The following MROH9 variants were observed in gnomAD, a reference collection of about 807,000 sequenced individuals.
MROH9 encodes the protein maestro heat-like repeat-containing protein family member 9.
Under a neutral mutation model 98.2 loss-of-function variants are expected in MROH9, and 92 were observed. That is an observed-to-expected ratio of 0.94 (90% CI 0.79 to 1.11). MROH9 has a LOEUF of 1.11. Ranked by LOEUF, MROH9 falls within the 50% of genes most tolerant of loss-of-function variation. The pLI is 0.00. For synonymous variants in MROH9, 397 were observed against 368.9 expected (o/e 1.08, Z -0.87); for missense variants, 1,057 against 1,014.8 (o/e 1.04, Z -0.57).
At chr1:171,052,971 C>A (rs920107812) in intron 20 of MROH9, among the ~76,000 whole-genome samples, 1 of 152,128 alleles carries the variant, frequency 6.6e-6, no homozygotes, top group East Asian at 1.9e-4. Context: ...CTCCTTGGAA[C>A]TAGTGGGGCT....
rs1654108318 is a variant in MROH9, at chr1:171,064,446, T to G, written c.*106T>G. On this transcript the variant is annotated 3_prime_UTR_variant, in exon 22 of 22. Transcript: ENST00000367759. ...GATTTTTCTTTCCCTCCTGACAACT[T>G]GAGTCTGTTTGTAGATGCTTTTCTG... 8.5e-7 allele frequency: 1 copy of G among 1,178,236 alleles called. No homozygotes were observed. Among genetic ancestry groups the G allele is most frequent in the Non-Finnish European group, 1.1e-6 (1 of 869,662 alleles). The allele number at this position is 1,178,236 out of a possible 1,614,324, so 73.0% of individuals were successfully genotyped here.
rs1651650789 is a variant in MROH9, at chr1:170,998,166, A to G, written c.1488A>G (p.Glu496=). The G allele has an allele frequency of 6.2e-7, 1 of 1,606,136 alleles. No individual in the cohort carries two copies. The highest frequency in any genetic ancestry group is 1.3e-5 in the African/African-American group (1 of 74,360). Residue 496 remains glutamate, a synonymous_variant, in exon 15 of 22, where the codon GAA becomes GAG. Transcript: ENST00000367759. ...GVCFIAKTLS[E]YNFPQFPETL... is the part of the protein sequence containing the mutation. ...TTCTCTTTTACAGAACTCTCAGTGA[A>G]TATAACTTTCCACAGTTTCCGGAGA...
At chr1:170,935,982 C>CAAAAAAAAAAAA (rs59883013) in intron 1 of MROH9, among the ~76,000 whole-genome samples, 116 of 62,244 alleles carry the variant, frequency 1.9e-3, no homozygotes, top group East Asian at 2.7e-3. Context: ...CAGAGTGAGA[C>CAAAAAAAAAAAA]AAAAAAAAAA....
At chr1:170,961,018 C>T (rs928606769) in intron 5 of MROH9, among the ~76,000 whole-genome samples, 2 of 152,030 alleles carry the variant, frequency 1.3e-5, no homozygotes, top group Non-Finnish European at 2.9e-5. Flanking sequence ...CTTCTCCAAC[C>T]TATTTCAAAT....
chr1:171,010,765 C>T (rs1414845009), intron 15 of MROH9, among the ~76,000 whole-genome samples: 1 of 152,100 alleles, frequency 6.6e-6, no homozygotes, highest in Non-Finnish European at 1.5e-5. Flanking sequence ...ATTCTTTGCC[C>T]ACTTTTTCAT....
intron 16 of MROH9, among the ~76,000 whole-genome samples, chr1:171,015,632 G>A (rs1652300686): frequency 1.3e-5 from 2 of 151,916 alleles, no homozygotes; most frequent in Admixed American, 6.5e-5. Context: ...CTGCCTGAGT[G>A]TCTCAGTAGC....
intron 7 of MROH9, among the ~76,000 whole-genome samples, chr1:170,966,645 T>C (rs978609750): frequency 3.3e-5 from 5 of 152,124 alleles, no homozygotes. Flanking sequence ...ATAATACAAT[T>C]TACTTAGATG....
chr1:171,032,145 TC>T lies in MROH9; in HGVS notation c.2281+6726del, dbSNP rs897104415. 1.9e-4 allele frequency among the ~76,000 whole-genome samples: 29 copies of T among 152,328 alleles called. No homozygotes were observed. The Middle Eastern group carries it at 0.01, about 54-fold the overall frequency. Reference sequence around the variant, plus strand: ...AGCTCCATCAGATCATTTATGTTTCTCTCTAAACTGGTTATTCAGTTAGCAG... The same window carrying T: ...AGCTCCATCAGATCATTTATGTTTCTTCTAAACTGGTTATTCAGTTAGCAG... On this transcript the variant is annotated intron_variant, in intron 20 of 21. Transcript: ENST00000367759.
In MROH9 at chr1:171,062,206, G is replaced by T; in HGVS notation, c.2344+12G>T. The T allele has an allele frequency of 6.5e-7, 1 of 1,528,008 alleles. No homozygotes were observed. The highest frequency in any genetic ancestry group is 1.2e-5 in the South Asian group (1 of 82,322). 94.7% of individuals were successfully genotyped at this position (1,528,008 alleles called of 1,614,324 possible). On this transcript the variant is annotated intron_variant, in intron 21 of 21. Coordinates refer to ENST00000367759, the MANE Select transcript of MROH9 (RefSeq NM_001163629.2). Reference sequence around the variant, plus strand: ...AGTCATGCTTGATGGTGAGTATTGAGGTTATAACAAAATCTTTATGCATAA... The same window carrying T: ...AGTCATGCTTGATGGTGAGTATTGATGTTATAACAAAATCTTTATGCATAA...
In MROH9 at chr1:170,947,519, C is replaced by T. The variant is rs1649378892; in HGVS notation, c.26-8C>T. On this transcript the variant is annotated splice_polypyrimidine_tract_variant and splice_region_variant and intron_variant, in intron 2 of 21. Transcript: ENST00000367759. Reference sequence around the variant, plus strand: ...TCCTTTTTAACGAATCTCCTTCTTTCTGGCTAGAGAGTAGTCTCCAGATTC... The same window carrying T: ...TCCTTTTTAACGAATCTCCTTCTTTTTGGCTAGAGAGTAGTCTCCAGATTC... The T allele has an allele frequency of 6.2e-7, 1 of 1,609,434 alleles. No homozygotes were observed. The highest frequency in any genetic ancestry group is 1.3e-5 in the African/African-American group (1 of 74,672).
intron 20 of MROH9, among the ~76,000 whole-genome samples, chr1:171,057,512 G>A (rs1196638427): frequency 6.6e-6 from 1 of 152,116 alleles, no homozygotes; most frequent in Non-Finnish European, 1.5e-5. Flanking sequence ...GAAGGAGATG[G>A]GACGAAAGGA....
In MROH9 at chr1:170,947,594, A is replaced by T. The variant is rs1450735732; in HGVS notation, c.72+21A>T. 3.1e-6 allele frequency: 5 copies of T among 1,594,978 alleles called. 1 individual carries two copies. In the South Asian group the frequency reaches 5.6e-5, roughly 18 times the overall value. On this transcript the variant is annotated intron_variant, in intron 3 of 21. Transcript: ENST00000367759. The stretch of plus-strand genomic sequence containing the variant: ...ACATGGTAAGTGATATTCTATAAGG[A>T]TATCAACGTAACTGAATTCTCTTGG...
At chr1:170,983,628 T>A (rs1571475235) in intron 9 of MROH9, 94 bp downstream of exon 9, 9 of 737,852 alleles carry the variant, frequency 1.2e-5, no homozygotes, top group South Asian at 1.8e-5. Flanking sequence ...GTCGTTAGTA[T>A]TTTTTCGTTT....
At chr1:170,954,797 C>T (rs914723699) in intron 3 of MROH9, among the ~76,000 whole-genome samples, 6 of 151,798 alleles carry the variant, frequency 4.0e-5, no homozygotes, top group Admixed American at 1.3e-4. Context: ...GCATTTTTCA[C>T]GTTCCTATTC....
chr1:171,053,356 T>C (rs1193566114), intron 20 of MROH9, among the ~76,000 whole-genome samples: 2 of 152,210 alleles, frequency 1.3e-5, no homozygotes, highest in African/African-American at 4.8e-5. Context: ...GGATCTGTGA[T>C]GGATTCATCC....
intron 20 of MROH9, among the ~76,000 whole-genome samples, chr1:171,042,757 T>A (rs764869690): frequency 4.6e-5 from 7 of 152,178 alleles, no homozygotes; most frequent in Non-Finnish European, 1.0e-4. Flanking sequence ...CATCTTTTCA[T>A]ATACCTGTTT....
intron 20 of MROH9, among the ~76,000 whole-genome samples, chr1:171,049,693 T>A (rs116713669): frequency 6.6e-6 from 1 of 151,996 alleles, no homozygotes; most frequent in African/African-American, 2.4e-5. Flanking sequence ...TTTTCTTTTT[T>A]TTTTTTATTT....
At chr1:171,012,788 C>T (rs1311128971) in intron 15 of MROH9, among the ~76,000 whole-genome samples, 2 of 152,156 alleles carry the variant, frequency 1.3e-5, no homozygotes, top group African/African-American at 4.8e-5. Flanking sequence ...CAGGCATGAG[C>T]CACCGCACCC....
intron 20 of MROH9, among the ~76,000 whole-genome samples, chr1:171,049,089 G>A (rs1653568362): frequency 6.6e-6 from 1 of 152,046 alleles, no homozygotes; most frequent in Non-Finnish European, 1.5e-5. Flanking sequence ...CTTTTTTGGA[G>A]CCATGAGCTG....
Sources: allele counts gnomAD v4.1 joint callset (sites outside exome capture counted in the v4.1 genomes callset), GRCh38; gene constraint gnomAD v4.1.1; transcripts MANE v1.5; gene names NCBI Gene and HGNC (gene_info 2026-07-23, HGNC 2026-07-21).